The following DOCK9 variants were observed in gnomAD, a reference collection of about 807,000 sequenced individuals.
DOCK9 encodes the protein dedicator of cytokinesis protein 9.
DOCK9 carries 89 observed loss-of-function variants against 263.3 expected under a neutral mutation model. The ratio of observed to expected loss-of-function variants is 0.34; its 90% CI spans 0.28 to 0.40. The LOEUF (loss-of-function observed/expected upper bound fraction) is 0.40, where lower values mean the gene tolerates loss of function less well. Among genes scored for constraint, DOCK9 ranks in the 10% least tolerant of loss-of-function variants. The probability of loss-of-function intolerance (pLI) is 1.00; values close to 1 mark genes in which losing one functional copy is unlikely to be tolerated. For synonymous variants in DOCK9, 976 were observed against 973.1 expected (o/e 1.00, Z -0.06); for missense variants, 2,140 against 2,603.4 (o/e 0.82, Z 3.87).
chr13:98,907,656 T>G (rs920373175), intron 9 of DOCK9, among the ~76,000 whole-genome samples: 3 of 152,148 alleles, frequency 2.0e-5, no homozygotes. Flanking sequence ...CTAATATACA[T>G]CTATTGCTCT....
At chr13:98,873,220 C>G (rs75592649) in intron 27 of DOCK9, among the ~76,000 whole-genome samples, 6,462 of 152,204 alleles carry the variant, frequency 0.042, 453 homozygotes, top group African/African-American at 0.15. Flanking sequence ...ATGACTACTC[C>G]TATCTGTTGA....
At chr13:98,875,742 A>C (rs1158968214) in intron 27 of DOCK9, among the ~76,000 whole-genome samples, 5 of 152,340 alleles carry the variant, frequency 3.3e-5, no homozygotes, top group South Asian at 2.1e-4. Context: ...CTCCAAGTAC[A>C]TGTCACCTAT....
intron 10 of DOCK9, among the ~76,000 whole-genome samples, 152 bp from the exon 11 acceptor site, chr13:98,903,264 G>A (rs566266195): frequency 6.6e-6 from 1 of 152,234 alleles, no homozygotes; most frequent in South Asian, 2.1e-4. Flanking sequence ...CGGTTTCTAT[G>A]GTTTATAGTA....
rs1482046211 is a variant in DOCK9, at chr13:98,825,713, T to G, written c.5023+1117A>C. Among the ~76,000 whole-genome samples, 2 of 136,060 alleles carry G rather than the reference T, an allele frequency of 1.5e-5. No individual in the cohort carries two copies. Among genetic ancestry groups the G allele is most frequent in the Non-Finnish European group, 3.4e-5 (2 of 59,468 alleles). 89.3% of individuals were successfully genotyped at this position (136,060 alleles called of 152,430 possible). A position where few individuals can be genotyped will look rare whatever the true frequency, so the allele number is the denominator to read the frequency against. ...TGGTGGCCAAGGTGCTTTCCTCTTG[T>G]GCCCACAGGAATAGACCAGCCAACC... On this transcript the variant is annotated intron_variant, in intron 44 of 52. Coordinates refer to ENST00000682017, the MANE Select transcript of DOCK9 (RefSeq NM_001366683.2). The surrounding 1 kb of genome is among the most constrained non-coding windows in gnomAD (Gnocchi z 4.1).
At chr13:99,063,156 C>G (rs894887608) in intron 1 of DOCK9, among the ~76,000 whole-genome samples, 1 of 152,212 alleles carries the variant, frequency 6.6e-6, no homozygotes, top group African/African-American at 2.4e-5. Flanking sequence ...AAAGAACCAA[C>G]AGGAAGGCTT....
chr13:98,942,241 T>TG (rs1555416667), intron 2 of DOCK9, among the ~76,000 whole-genome samples: 1 of 149,166 alleles, frequency 6.7e-6, no homozygotes, highest in African/African-American at 2.5e-5. Context: ...TGTTGTTTTT[T>TG]TTTTTTGTTT....
intron 15 of DOCK9, among the ~76,000 whole-genome samples, chr13:98,895,891 G>T (rs1335578935): frequency 2.0e-5 from 3 of 152,034 alleles, no homozygotes; most frequent in Non-Finnish European, 2.9e-5. Flanking sequence ...GCACTCCCTG[G>T]CCAAGACCTG....
At chr13:98,817,639 A>G (rs2091972640) in intron 45 of DOCK9, among the ~76,000 whole-genome samples, 1 of 151,930 alleles carries the variant, frequency 6.6e-6, no homozygotes, top group African/African-American at 2.4e-5. Context: ...GTGTAGTCAA[A>G]TTATAAATAA....
intron 1 of DOCK9, among the ~76,000 whole-genome samples, chr13:99,058,283 G>A (rs1428920702): frequency 6.6e-6 from 1 of 151,802 alleles, no homozygotes; most frequent in Non-Finnish European, 1.5e-5. Context: ...TCCTGCCTCG[G>A]CCTCCTGAAT....
Position 98,797,174 on chromosome 13 carries a change from C to G in DOCK9, c.6097G>C (p.Glu2033Gln). The G allele has an allele frequency of 6.2e-7, 1 of 1,614,014 alleles. No homozygotes were observed. The highest frequency in any genetic ancestry group is 8.5e-7 in the Non-Finnish European group (1 of 1,179,890). ...ATTTCCCTGTAGTTGGCTTTCATTT[C>G]TTCCTGATACTCGAGCTGGTCTTCT... Reference protein sequence around the residue: ...IKEDQLEYQEEMKANYREMAK... With the variant: ...IKEDQLEYQEQMKANYREMAK... The change falls in exon 52 of 53, where the codon GAA becomes CAA. Residue 2033 changes from glutamate (E) to glutamine (Q), a missense_variant. By Grantham distance (29) the Glu-to-Gln change is conservative. This residue lies in a region of DOCK9 where 619 missense variants were observed against 861.8 expected (regional missense o/e 0.72). Transcript: ENST00000682017.
At chr13:98,846,115 C>T (rs749131143) in intron 37 of DOCK9, 55 bp from the exon 38 acceptor site, 84 of 1,537,276 alleles carry the variant, frequency 5.5e-5, no homozygotes, top group Non-Finnish European at 7.0e-5. Flanking sequence ...TACACTGCAG[C>T]GAGACGGGGA....
intron 1 of DOCK9, among the ~76,000 whole-genome samples, chr13:98,984,592 A>C (rs1878008053): frequency 6.6e-6 from 1 of 152,208 alleles, no homozygotes. Context: ...TTTTCTCTCT[A>C]AAGTCTTCTA....
intron 1 of DOCK9, among the ~76,000 whole-genome samples, chr13:99,059,835 TG>T (rs2041098039): frequency 6.6e-6 from 1 of 152,192 alleles, no homozygotes; most frequent in Admixed American, 6.5e-5. Context: ...CTCCAGTCCC[TG>T]GCAACCACTC....
At chr13:99,037,401 A>C (rs1395889038) in intron 1 of DOCK9, among the ~76,000 whole-genome samples, 1 of 152,226 alleles carries the variant, frequency 6.6e-6, no homozygotes, top group African/African-American at 2.4e-5. Context: ...TATTAAATTT[A>C]AAACTGAATG....
intron 1 of DOCK9, among the ~76,000 whole-genome samples, chr13:99,015,231 C>G (rs1885205873): frequency 1.3e-5 from 2 of 152,118 alleles, no homozygotes; most frequent in Admixed American, 1.3e-4. Flanking sequence ...TATCTTATTC[C>G]TTTCTCTGTA....
At chr13:99,021,440 C>T (rs959995862) in intron 1 of DOCK9, among the ~76,000 whole-genome samples, 5 of 151,958 alleles carry the variant, frequency 3.3e-5, no homozygotes, top group South Asian at 2.1e-4. Context: ...GTGATTGAGA[C>T]CATCCTGGCT....
At chr13:99,053,004 G>A (rs1017613635) in intron 1 of DOCK9, among the ~76,000 whole-genome samples, 1 of 151,936 alleles carries the variant, frequency 6.6e-6, no homozygotes, top group Non-Finnish European at 1.5e-5. Flanking sequence ...GTAGGGATTC[G>A]CCGTTGGGAT....
chr13:99,014,188 G>A lies in DOCK9; in HGVS notation c.130-58637C>T, dbSNP rs149543761. Among the ~76,000 whole-genome samples the A allele has an allele frequency of 6.5e-3, 988 of 152,350 alleles. 3 individuals carry two copies. The highest frequency in any genetic ancestry group is 9.6e-3 in the Non-Finnish European group (652 of 68,034). The stretch of plus-strand genomic sequence containing the variant: ...GTCTGGTCTGAGGGAGCAGAAGCTT[G>A]CCGCATGGGAGGGGCACTGCCATTA... On this transcript the variant is annotated intron_variant, in intron 1 of 32. Coordinates refer to the DOCK9 transcript ENST00000427887.
At chr13:99,079,760 C>T (rs976857442) in intron 1 of DOCK9, among the ~76,000 whole-genome samples, 4 of 152,214 alleles carry the variant, frequency 2.6e-5, no homozygotes, top group African/African-American at 9.6e-5. Flanking sequence ...CCTCTCCAGG[C>T]CGGGCGTGGT....
Sources: gnomAD v4.1 joint callset for allele counts (sites outside exome capture counted in the v4.1 genomes callset) on GRCh38, gnomAD v4.1.1 for gene constraint, gnomAD v4.1.1 regional missense constraint, Gnocchi (gnomAD v3.1) non-coding constraint, MANE v1.5 for transcripts, NCBI Gene and HGNC (gene_info 2026-07-23, HGNC 2026-07-21) for gene names.